DPP6: variants seen among roughly 807,000 people sequenced by gnomAD.
The protein encoded by DPP6 is A-type potassium channel modulatory protein DPP6.
In DPP6, 69 loss-of-function variants were observed where a neutral mutation model predicts 122.6. The ratio of observed to expected loss-of-function variants is 0.56; its 90% CI spans 0.46 to 0.69. The LOEUF (loss-of-function observed/expected upper bound fraction) is 0.69, where lower values mean the gene tolerates loss of function less well. DPP6 is among the 30% of genes least tolerant of loss of function. The pLI is 0.00. For synonymous variants in DPP6, 418 were observed against 433.1 expected (o/e 0.97, Z 0.43); for missense variants, 928 against 1,116.9 (o/e 0.83, Z 2.41).
chr7:153,758,220 C>A, the DPP6 span, among the ~76,000 whole-genome samples: 3 of 152,102 alleles, frequency 2.0e-5, no homozygotes, highest in African/African-American at 7.2e-5. Flanking sequence ...AAGTACTAAA[C>A]TCATTGCATA....
intron 3 of DPP6, chr7:154,475,465 A>G (rs1822650607): frequency 4.3e-6 from 1 of 231,018 alleles, no homozygotes; most frequent in Non-Finnish European, 8.6e-6. Context: ...ACCAAAAGCA[A>G]CTCATGGAGT....
At chr7:154,252,989 T>C (rs959969724) in intron 1 of DPP6, among the ~76,000 whole-genome samples, 1 of 152,176 alleles carries the variant, frequency 6.6e-6, no homozygotes, top group East Asian at 1.9e-4. Context: ...TAGAAGATAA[T>C]GCAAGGAATA....
chr7:154,587,740 C>A, intron 5 of DPP6: 1 of 1,570,522 alleles, frequency 6.4e-7, no homozygotes, highest in Non-Finnish European at 8.6e-7. Context: ...CCCAGCTTGT[C>A]ACCAGGGCTG....
At chr7:154,072,453 T>C (rs1018264332) in intron 1 of DPP6, among the ~76,000 whole-genome samples, 1 of 152,300 alleles carries the variant, frequency 6.6e-6, no homozygotes, top group African/African-American at 2.4e-5. Flanking sequence ...AGGATTTGAT[T>C]CCTTTTTGTC....
At chr7:154,851,026 T>G (rs1328289611) in intron 16 of DPP6, among the ~76,000 whole-genome samples, 2 of 152,374 alleles carry the variant, frequency 1.3e-5, no homozygotes, top group East Asian at 3.8e-4. Flanking sequence ...AATATGACCA[T>G]GTATGTGCAG....
chr7:154,126,277 G>A (rs973337187), intron 1 of DPP6, among the ~76,000 whole-genome samples: 5 of 152,134 alleles, frequency 3.3e-5, no homozygotes, highest in African/African-American at 1.2e-4. Context: ...GTGAAATAGG[G>A]CTATGATGAG....
Position 154,518,390 on chromosome 7 carries a change from A to C in DPP6, c.458-22142A>C, listed in dbSNP as rs181349161. ...CCATTAAACTAAGTCAGGATTTTGA[A>C]TTTTTAAAGCTTTGGGTACATAGAA... On this transcript the variant is annotated intron_variant, in intron 3 of 25. Transcript: ENST00000377770. Among the ~76,000 whole-genome samples the C allele has an allele frequency of 1.1e-4, 16 of 152,278 alleles. No homozygotes were observed. In the East Asian group the frequency reaches 3.1e-3, roughly 29 times the overall value.
chr7:153,750,342 T>C, the DPP6 span, among the ~76,000 whole-genome samples: 10 of 149,950 alleles, frequency 6.7e-5, no homozygotes, highest in African/African-American at 2.2e-4. Context: ...CTACAGGAAA[T>C]GTATTTTAAT....
chr7:154,892,837 C>T lies in DPP6; in HGVS notation c.*357C>T, dbSNP rs1406212031. ...CGGCCCCTAGATTCCAGCCACCAAG[C>T]GGAAGCATGAGACCCGCCCACACTA... On this transcript the variant is annotated 3_prime_UTR_variant, in exon 26 of 26. Coordinates refer to ENST00000377770, the MANE Select transcript of DPP6 (RefSeq NM_130797.4). The T allele has an allele frequency of 3.7e-6, 2 of 547,858 alleles. No individual in the cohort carries two copies. The highest frequency in any genetic ancestry group is 7.2e-6 in the Non-Finnish European group (2 of 279,462). 33.9% of individuals were successfully genotyped at this position (547,858 alleles called of 1,614,324 possible).
At chr7:154,366,434 C>T (rs1401811312) in intron 1 of DPP6, among the ~76,000 whole-genome samples, 1 of 152,174 alleles carries the variant, frequency 6.6e-6, no homozygotes, top group Non-Finnish European at 1.5e-5. Flanking sequence ...GATGATGTTA[C>T]ATATGTTGGG....
intron 1 of DPP6, among the ~76,000 whole-genome samples, chr7:154,438,469 C>CAAAAAAAAAAAAAAAAAAAAA (rs58978160): frequency 2.7e-5 from 1 of 37,474 alleles, no homozygotes; most frequent in Non-Finnish European, 4.8e-5. Context: ...GACTCCAACT[C>CAAAAAAAAAAAAAAAAAAAAA]AAAAAAAAAA....
intron 1 of DPP6, among the ~76,000 whole-genome samples, chr7:153,895,671 C>A (rs988739823): frequency 6.6e-6 from 1 of 151,560 alleles, no homozygotes; most frequent in Non-Finnish European, 1.5e-5. Flanking sequence ...CCTTGATGAC[C>A]CAGGAAGACT....
intron 17 of DPP6, among the ~76,000 whole-genome samples, chr7:154,859,781 A>T (rs1240308541): frequency 6.6e-6 from 1 of 152,212 alleles, no homozygotes; most frequent in Non-Finnish European, 1.5e-5. Context: ...AATCATAGTG[A>T]ATACATTGCG....
the DPP6 span, among the ~76,000 whole-genome samples, chr7:153,805,281 T>C: frequency 1.3e-5 from 2 of 152,182 alleles, no homozygotes; most frequent in African/African-American, 4.8e-5. Flanking sequence ...GACTGATGTA[T>C]TTTGTTGTTT....
At chr7:154,864,201 G>T (rs1288571308) in intron 17 of DPP6, among the ~76,000 whole-genome samples, 1 of 152,224 alleles carries the variant, frequency 6.6e-6, no homozygotes, top group Non-Finnish European at 1.5e-5. Flanking sequence ...GGAAGCGGCT[G>T]CTCTCTCCTC....
At chr7:154,815,838 G>T (rs1396136187) in intron 16 of DPP6, among the ~76,000 whole-genome samples, 1 of 152,154 alleles carries the variant, frequency 6.6e-6, no homozygotes, top group African/African-American at 2.4e-5. Context: ...AAGAAGTTTG[G>T]TCTTAGACTT....
chr7:154,233,829 A>G (rs1178675513), intron 1 of DPP6, among the ~76,000 whole-genome samples: 1 of 152,230 alleles, frequency 6.6e-6, no homozygotes, highest in Non-Finnish European at 1.5e-5. Flanking sequence ...GCCCTAGTAA[A>G]CAAATACTTT....
chr7:154,243,795 CA>C (rs886398654), intron 1 of DPP6, among the ~76,000 whole-genome samples: 8 of 141,808 alleles, frequency 5.6e-5, no homozygotes, highest in Non-Finnish European at 6.2e-5. Flanking sequence ...GACTCCATCT[CA>C]AAAAAAAAAG....
intron 1 of DPP6, among the ~76,000 whole-genome samples, chr7:154,360,374 C>T (rs1811626504): frequency 6.6e-6 from 1 of 152,146 alleles, no homozygotes; most frequent in African/African-American, 2.4e-5. Flanking sequence ...TTCTTCCTTT[C>T]ACAGCAACAA....
Sources: allele counts gnomAD v4.1 joint callset (sites outside exome capture counted in the v4.1 genomes callset), GRCh38; gene constraint gnomAD v4.1.1; transcripts MANE v1.5; gene names NCBI Gene and HGNC (gene_info 2026-07-23, HGNC 2026-07-21).